The following RB1 variants were observed in gnomAD, a reference collection of about 807,000 sequenced individuals.
The protein encoded by RB1 is retinoblastoma-associated protein.
In RB1, 18 loss-of-function variants were observed where a neutral mutation model predicts 135.4. The ratio of observed to expected loss-of-function variants is 0.13; its 90% CI spans 0.09 to 0.20. RB1 has a LOEUF of 0.20. Ranked by LOEUF, RB1 falls within the 10% of genes least tolerant of loss-of-function variation. The probability of loss-of-function intolerance (pLI) is 1.00; values close to 1 mark genes in which losing one functional copy is unlikely to be tolerated. For missense variants in RB1, 868 were observed against 1,110.0 expected (o/e 0.78, Z 3.10); for synonymous variants, 365 against 373.2 (o/e 0.98, Z 0.25).
chr13:48,345,602 G>A (rs1303588837), intron 4 of RB1, among the ~76,000 whole-genome samples: 2 of 152,124 alleles, frequency 1.3e-5, no homozygotes, highest in African/African-American at 4.8e-5. Flanking sequence ...ATAAAGTAAT[G>A]ATTTGTACTC....
At chr13:48,423,418 T>G (rs1949035558) in intron 17 of RB1, among the ~76,000 whole-genome samples, 1 of 152,264 alleles carries the variant, frequency 6.6e-6, no homozygotes, top group Non-Finnish European at 1.5e-5. Context: ...CTTACACTCT[T>G]TATGTTTAAG....
chr13:48,394,748 A>T (rs1226253795), intron 17 of RB1, among the ~76,000 whole-genome samples: 1 of 152,226 alleles, frequency 6.6e-6, no homozygotes, highest in Non-Finnish European at 1.5e-5. Flanking sequence ...AGCCCCAGTC[A>T]GGGGCCTATA....
chr13:48,366,096 G>T (rs1952694436), intron 9 of RB1, among the ~76,000 whole-genome samples: 1 of 152,152 alleles, frequency 6.6e-6, no homozygotes, highest in African/African-American at 2.4e-5. Flanking sequence ...ATTCATTAAG[G>T]TTGGGATACA....
chr13:48,378,913 G>T (rs1948506813), intron 13 of RB1, among the ~76,000 whole-genome samples: 1 of 152,046 alleles, frequency 6.6e-6, no homozygotes, highest in South Asian at 2.1e-4. Context: ...TGAGATTTTT[G>T]CTCTTAGTTT....
chr13:48,344,612 G>A (rs1242016741), intron 3 of RB1, among the ~76,000 whole-genome samples: 1 of 152,112 alleles, frequency 6.6e-6, no homozygotes, highest in Non-Finnish European at 1.5e-5. Context: ...GGGAGGGGGT[G>A]GCTTTGGAGA....
intron 17 of RB1, among the ~76,000 whole-genome samples, chr13:48,448,640 G>A (rs900147725): frequency 2.6e-5 from 4 of 152,200 alleles, no homozygotes; most frequent in Non-Finnish European, 5.9e-5. Context: ...AAAGAGTAAA[G>A]TTAAGAAAAG....
intron 23 of RB1, among the ~76,000 whole-genome samples, chr13:48,471,552 G>A (rs1481388044): frequency 1.1e-5 from 1 of 87,948 alleles, no homozygotes; most frequent in Admixed American, 1.5e-4. Flanking sequence ...CTAAAACTTA[G>A]AGTATAATAA....
chr13:48,473,636 T>C (rs185787936), intron 24 of RB1, among the ~76,000 whole-genome samples: 1 of 152,310 alleles, frequency 6.6e-6, no homozygotes, highest in East Asian at 1.9e-4. Flanking sequence ...ATAATACATA[T>C]ATACATTTGT....
chr13:48,368,899 G>A (rs890242558), intron 11 of RB1, among the ~76,000 whole-genome samples: 1 of 152,034 alleles, frequency 6.6e-6, no homozygotes, highest in African/African-American at 2.4e-5. Context: ...CCAGCTGCTC[G>A]GGAGGCTGAG....
At chr13:48,472,154 T>C (rs1192331907) in intron 23 of RB1, among the ~76,000 whole-genome samples, 1 of 152,210 alleles carries the variant, frequency 6.6e-6, no homozygotes, top group Non-Finnish European at 1.5e-5. Flanking sequence ...CTAGTATAGT[T>C]AATGTAGTCT....
intron 17 of RB1, among the ~76,000 whole-genome samples, chr13:48,450,094 A>T (rs2407089): frequency 0.16 from 18,629 of 117,700 alleles, 1,381 homozygotes; most frequent in African/African-American, 0.26. Flanking sequence ...ATATATATAT[A>T]TTTTTTTTTT....
chr13:48,316,282 G>C (rs1365444027), intron 2 of RB1, among the ~76,000 whole-genome samples: 1 of 151,900 alleles, frequency 6.6e-6, no homozygotes, highest in Non-Finnish European at 1.5e-5. Context: ...GGGGGCGGGG[G>C]TGTCCTCTGT....
Position 48,353,157 on chromosome 13 carries a change from CAA to C in RB1, c.607+4136_607+4137del, listed in dbSNP as rs767218661. On this transcript the variant is annotated intron_variant, in intron 6 of 26. Coordinates refer to ENST00000267163, the MANE Select transcript of RB1 (RefSeq NM_000321.3). ...AAAAAATTGCAAAAGATCAATGAAA[CAA>C]AGTGTTTTTTTAAAAAGTTAAACAA... Among the ~76,000 whole-genome samples the C allele has an allele frequency of 1.5e-4, 23 of 151,738 alleles. 1 individual carries two copies. Among genetic ancestry groups the C allele is most frequent in the Non-Finnish European group, 2.4e-4 (16 of 67,854 alleles).
intron 17 of RB1, 30 bp downstream of exon 17, chr13:48,381,473 T>C (rs759954457): frequency 1.9e-6 from 3 of 1,600,956 alleles, no homozygotes; most frequent in Non-Finnish European, 2.6e-6. Context: ...AAGAAATTCA[T>C]TCATGTGCAT....
chr13:48,358,768 C>T (rs779772194), intron 6 of RB1, among the ~76,000 whole-genome samples: 2 of 152,068 alleles, frequency 1.3e-5, no homozygotes, highest in African/African-American at 4.8e-5. Context: ...GAGTTAGTCT[C>T]GCTCAGTCAG....
intron 17 of RB1, among the ~76,000 whole-genome samples, chr13:48,438,777 G>T (rs1335489865): frequency 6.6e-6 from 1 of 152,058 alleles, no homozygotes; most frequent in East Asian, 1.9e-4. Flanking sequence ...AATGTGGTTG[G>T]TGCTATGTCT....
At chr13:48,368,501 G>C (rs1487795602) in intron 10 of RB1, 26 bp from the exon 11 acceptor site, 3 of 1,612,026 alleles carry the variant, frequency 1.9e-6, no homozygotes, top group Non-Finnish European at 2.5e-6. Flanking sequence ...TTCAGTATGT[G>C]AATGACTTCA....
At chr13:48,422,938 C>A (rs1271464057) in intron 17 of RB1, 2 of 152,152 alleles carry the variant, frequency 1.3e-5, no homozygotes, top group African/African-American at 4.8e-5. Context: ...ACCAGGATTT[C>A]AAGACCAGCC....
chr13:48,387,036 C>A (rs1406083313), intron 17 of RB1, among the ~76,000 whole-genome samples: 1 of 152,154 alleles, frequency 6.6e-6, no homozygotes, highest in Non-Finnish European at 1.5e-5. Context: ...AAAACAGTAA[C>A]CATAATTATC....
Sources: allele counts gnomAD v4.1 joint callset (sites outside exome capture counted in the v4.1 genomes callset), GRCh38; gene constraint gnomAD v4.1.1; transcripts MANE v1.5; gene names NCBI Gene and HGNC (gene_info 2026-07-23, HGNC 2026-07-21).